The following SRSF11 variants were observed in gnomAD, a reference collection of about 807,000 sequenced individuals.
SRSF11 encodes the protein serine and arginine rich splicing factor 11.
In SRSF11, 9 loss-of-function variants were observed where a neutral mutation model predicts 56.0. The observed-to-expected ratio is 0.16, with a 90% CI of 0.10 to 0.28. The LOEUF (loss-of-function observed/expected upper bound fraction) is 0.28, where lower values mean the gene tolerates loss of function less well. Ranked by LOEUF, SRSF11 falls within the 10% of genes least tolerant of loss-of-function variation. The pLI is 1.00. For synonymous variants in SRSF11, 222 were observed against 215.3 expected (o/e 1.03, Z -0.27); for missense variants, 421 against 600.7 (o/e 0.70, Z 3.13).
chr1:70,229,363 C>CT (rs1571736384), intron 2 of SRSF11: 1 of 1,182,340 alleles, frequency 8.5e-7, no homozygotes. Flanking sequence ...CATTTTCTCT[C>CT]TTTTTACATT....
chr1:70,238,260 T>C (rs1293137799), intron 6 of SRSF11, among the ~76,000 whole-genome samples: 1 of 152,212 alleles, frequency 6.6e-6, no homozygotes, highest in Non-Finnish European at 1.5e-5. Context: ...GTAGGAACTT[T>C]TAGATAGCAC....
intron 2 of SRSF11, 54 bp downstream of exon 2, chr1:70,228,609 C>T: frequency 6.3e-7 from 1 of 1,582,070 alleles, no homozygotes; most frequent in Non-Finnish European, 8.6e-7. Flanking sequence ...CCATCTACCT[C>T]AGTAGATGTA....
intron 1 of SRSF11, among the ~76,000 whole-genome samples, chr1:70,211,777 A>G (rs1669581165): frequency 6.6e-6 from 1 of 152,146 alleles, no homozygotes; most frequent in Non-Finnish European, 1.5e-5. Flanking sequence ...GGACATTTAA[A>G]TACTTGGTAC....
chr1:70,212,709 A>T (rs2100488616), intron 1 of SRSF11, among the ~76,000 whole-genome samples: 1 of 152,296 alleles, frequency 6.6e-6, no homozygotes, highest in Non-Finnish European at 1.5e-5. Context: ...GTAGGTTCTT[A>T]TCAATTTAAT....
At chr1:70,217,322 C>A (rs554259547), upstream of SRSF11, among the ~76,000 whole-genome samples, 1 of 152,180 alleles carries the variant, frequency 6.6e-6, no homozygotes, top group East Asian at 1.9e-4. Flanking sequence ...CCATGCTCGG[C>A]TAATTTTGTA....
chr1:70,208,764 C>T (rs1013353384), intron 1 of SRSF11, among the ~76,000 whole-genome samples: 8 of 152,210 alleles, frequency 5.3e-5, no homozygotes, highest in Non-Finnish European at 1.0e-4. Flanking sequence ...TCAACTTCAA[C>T]TGAGCTTCTT....
Position 70,221,495 on chromosome 1 carries a change from G to GCGGCGGCAT in SRSF11, c.-137_-129dup, listed in dbSNP as rs1226602388. ...GCGGGGCGGAGAAACGGCGGCGGCG[G>GCGGCGGCAT]CGGCGGCATCGGCAGCAGTAGCAGA... On this transcript the variant is annotated 5_prime_UTR_variant, in exon 1 of 12. Transcript: ENST00000370949. 347 of 1,229,278 alleles carry GCGGCGGCAT rather than the reference G, an allele frequency of 2.8e-4. 2 individuals carry two copies. The highest frequency in any genetic ancestry group is 3.8e-4 in the Admixed American group (15 of 39,846). The allele number at this position is 1,229,278 out of a possible 1,614,324, so 76.1% of individuals were successfully genotyped here. A position where few individuals can be genotyped will look rare whatever the true frequency, so the allele number is the denominator to read the frequency against.
chr1:70,244,638 C>A, intron 7 of SRSF11, 46 bp from the exon 8 acceptor site: 1 of 1,575,746 alleles, frequency 6.3e-7, no homozygotes, highest in Non-Finnish European at 8.6e-7. Context: ...AATTTATAGT[C>A]TTTTTACATT....
chr1:70,229,325 T>C, intron 2 of SRSF11: 1 of 1,270,492 alleles, frequency 7.9e-7, no homozygotes, highest in Non-Finnish European at 1.0e-6. Context: ...GCCCCAAGTG[T>C]TTTCCTGGTG....
rs373089052 is a variant in SRSF11 at position 70,221,611 on chromosome 1, G to A, written c.-26G>A. The A allele has an allele frequency of 1.9e-6, 3 of 1,598,916 alleles. No homozygotes were observed. The African/African-American group carries it at 4.0e-5, about 21-fold the overall frequency. ...TTTGTTGTGTGTTTGATGTGTTAAA[G>A]CAGGAGCGAGAACCCGAGCAGCGCC... On this transcript the variant is annotated 5_prime_UTR_variant, in exon 1 of 12. Transcript: ENST00000370949.
upstream of SRSF11, among the ~76,000 whole-genome samples, chr1:70,218,247 C>A (rs1191256641): frequency 6.6e-6 from 1 of 152,194 alleles, no homozygotes; most frequent in East Asian, 1.9e-4. Flanking sequence ...GGATTACAGG[C>A]ATGAGCCACT....
intron 5 of SRSF11, among the ~76,000 whole-genome samples, chr1:70,236,145 A>C (rs1027788751): frequency 6.6e-6 from 1 of 152,122 alleles, no homozygotes; most frequent in Non-Finnish European, 1.5e-5. Context: ...TAGTTAGTGG[A>C]CTTTTTTCTT....
rs759643219 is a variant in SRSF11 at position 70,250,465 on chromosome 1, G to C, written c.1219G>C (p.Asp407His). The C allele has an allele frequency of 1.1e-5, 17 of 1,600,348 alleles. No individual in the cohort carries two copies. The South Asian group carries it at 1.8e-4, about 17-fold the overall frequency. ...GAAGAAGAGTAAAGATAAGGAAAAGGACCGGGAAAGAAAATCAGAGAGTGA... is the reference window on the plus strand; with the variant it reads ...GAAGAAGAGTAAAGATAAGGAAAAGCACCGGGAAAGAAAATCAGAGAGTGA... ...KKKKSKDKEK[D>H]RERKSESDKD... is the part of the protein sequence containing the mutation. Residue 407 changes from aspartate (D) to histidine (H), a missense_variant, in exon 11 of 12, where the codon GAC (aspartate) becomes CAC (histidine). Around this residue, in one of 2 missense-constraint regions of SRSF11, gnomAD observed 253 missense variants for 305.8 expected, o/e 0.83. Transcript: ENST00000370949.
At chr1:70,225,402 G>T (rs568043421) in intron 1 of SRSF11, among the ~76,000 whole-genome samples, 1 of 152,176 alleles carries the variant, frequency 6.6e-6, no homozygotes, top group Non-Finnish European at 1.5e-5. Context: ...GGGCACATGA[G>T]GTCAGCAGTC....
Position 70,239,421 on chromosome 1 carries a change from C to A in SRSF11, c.719-18C>A. 6.4e-7 allele frequency: 1 copy of A among 1,570,260 alleles called. No homozygotes were observed. The highest frequency in any genetic ancestry group is 8.7e-7 in the Non-Finnish European group (1 of 1,153,870). The stretch of plus-strand genomic sequence containing the variant: ...TTTAATAACTTCTAAATGCAGGTTC[C>A]TTTTCTTTTAAATATAGATAAGAAA... On this transcript the variant is annotated intron_variant, in intron 6 of 11. Transcript: ENST00000370949.
At chr1:70,244,490 T>C (rs138957027) in intron 7 of SRSF11, among the ~76,000 whole-genome samples, 194 bp from the exon 8 acceptor site, 108 of 152,234 alleles carry the variant, frequency 7.1e-4, no homozygotes, top group African/African-American at 2.5e-3. Context: ...GAATTCCAAG[T>C]GTTAAAAGGT....
At chr1:70,205,713 G>T, upstream of SRSF11, 2 of 574,664 alleles carry the variant, frequency 3.5e-6, no homozygotes, top group Non-Finnish European at 5.8e-6. Context: ...CCAGCGCCTG[G>T]GCTGGAGGAC....
chr1:70,211,477 G>A (rs554868717), intron 1 of SRSF11, among the ~76,000 whole-genome samples: 1 of 152,222 alleles, frequency 6.6e-6, no homozygotes, highest in South Asian at 2.1e-4. Context: ...TATGGTCCCT[G>A]AGACTTTATC....
chr1:70,250,657 AAG>A lies in SRSF11; in HGVS notation c.1311_1312del (p.Lys439ArgfsTer12). 6.2e-7 allele frequency: 1 copy of A among 1,613,996 alleles called. No homozygotes were observed. Among genetic ancestry groups the A allele is most frequent in the Non-Finnish European group, 8.5e-7 (1 of 1,179,950 alleles). ...GAGGAACAGGGGTATGACAGTGAGA[AAG>A]AGAAAAAAGAAGAGAAGAAACCAAT... On this transcript the variant is annotated frameshift_variant, in exon 12 of 12. Coordinates refer to ENST00000370949, the MANE Select transcript of SRSF11 (RefSeq NM_001350605.2). LOFTEE classifies it high-confidence loss of function.
Sources: gnomAD v4.1 joint callset for allele counts (sites outside exome capture counted in the v4.1 genomes callset) on GRCh38, gnomAD v4.1.1 for gene constraint, gnomAD v4.1.1 regional missense constraint, MANE v1.5 for transcripts, NCBI Gene and HGNC (gene_info 2026-07-23, HGNC 2026-07-21) for gene names.